The following USP8 variants were observed in gnomAD, a reference collection of about 807,000 sequenced individuals.
USP8 encodes ubiquitin specific peptidase 8, also known as ubiquitin carboxyl-terminal hydrolase 8.
Under a neutral mutation model 130.0 loss-of-function variants are expected in USP8, and 27 were observed. The ratio of observed to expected loss-of-function variants is 0.21; its 90% CI spans 0.15 to 0.29. USP8 has a LOEUF of 0.29. USP8 is among the 10% of genes least tolerant of loss of function. The probability of loss-of-function intolerance (pLI) is 1.00; values close to 1 mark genes in which losing one functional copy is unlikely to be tolerated. For missense variants in USP8, 1,029 were observed against 1,312.2 expected, an observed-to-expected ratio of 0.78 and a Z score of 3.33; for synonymous variants, 392 against 444.1, an observed-to-expected ratio of 0.88 and a Z score of 1.48.
chr15:50,477,038 T>C lies in USP8; in HGVS notation c.994+45T>C, dbSNP rs370306424. ...TGTTTAAAATTGCTTTGGTAAAATA[T>C]GGTTTAAAATTGTTTTCCCGGTAAC... On this transcript the variant is annotated intron_variant, in intron 9 of 19. Transcript: ENST00000307179. The C allele has an allele frequency of 8.5e-4, 1,344 of 1,586,426 alleles. 1 individual carries two copies. Among genetic ancestry groups the C allele is most frequent in the Non-Finnish European group, 1.1e-3 (1,251 of 1,173,338 alleles).
Position 50,514,403 on chromosome 15 carries a change from A to C in USP8, c.*15315A>C, listed in dbSNP as rs886614546. On this transcript the variant is annotated 3_prime_UTR_variant, in exon 20 of 20. Coordinates refer to ENST00000307179, the MANE Select transcript of USP8 (RefSeq NM_005154.5). ...TTCTGTATATATGTTTCACTTCAATAAAGTTTATTTTTGGTCAAGGGCAGT... is the reference window on the plus strand; with the variant it reads ...TTCTGTATATATGTTTCACTTCAATCAAGTTTATTTTTGGTCAAGGGCAGT... 1.3e-5 allele frequency: 2 copies of C among 152,148 alleles called. No homozygotes were observed. Among genetic ancestry groups the C allele is most frequent in the African/African-American group, 4.8e-5 (2 of 41,416 alleles). 9.4% of individuals were successfully genotyped at this position (152,148 alleles called of 1,614,324 possible).
At chr15:50,480,956 C>A (rs1262389840) in intron 10 of USP8, among the ~76,000 whole-genome samples, 1 of 151,540 alleles carries the variant, frequency 6.6e-6, no homozygotes, top group Admixed American at 6.6e-5. Flanking sequence ...TAACAGCGTG[C>A]AGAAGGATAT....
chr15:50,459,491 G>A (rs528148442), intron 5 of USP8, among the ~76,000 whole-genome samples: 14 of 152,202 alleles, frequency 9.2e-5, no homozygotes, highest in African/African-American at 3.4e-4. Flanking sequence ...GGCTAAAGTA[G>A]GAGAATTGCT....
Position 50,498,977 on chromosome 15 carries a change from G to T in USP8, c.3246G>T (p.Lys1082Asn), listed in dbSNP as rs2052518452. ...ATGCAGCAAGACAACGGTGGTTTAA[G>T]TTTGATGATCATGAAGTTTCTGATA... ...CKNAARQRWF[K>N]FDDHEVSDIS... The change falls in exon 20 of 20, where the codon AAG (lysine) becomes AAT (asparagine). Residue 1082 changes from lysine to asparagine, a missense_variant. By Grantham distance (94) the Lys-to-Asn change is moderately conservative. Coordinates refer to ENST00000307179, the MANE Select transcript of USP8 (RefSeq NM_005154.5). 1 of 1,613,860 alleles carries T rather than the reference G, an allele frequency of 6.2e-7. No individual in the cohort carries two copies. The highest frequency in any genetic ancestry group is 1.3e-5 in the African/African-American group (1 of 74,916).
At chr15:50,460,301 C>CTTTTTTTT (rs1168064692) in intron 5 of USP8, among the ~76,000 whole-genome samples, 1 of 77,360 alleles carries the variant, frequency 1.3e-5, no homozygotes, top group African/African-American at 5.3e-5. Context: ...CCTGGCTCTT[C>CTTTTTTTT]TTTTTTTTTT....
At position 50,437,180 on chromosome 15, in the gene USP8, T is replaced by C. The variant is rs193223739; in HGVS notation, c.-65-1829T>C. Among the ~76,000 whole-genome samples the C allele has an allele frequency of 6.9e-3, 1,053 of 152,310 alleles. 5 individuals carry two copies. Among genetic ancestry groups the C allele is most frequent in the Non-Finnish European group, 0.01 (710 of 68,030 alleles). ...CTTAAAACTTTAAGTACATTTCATA[T>C]ATTCTTTTATATGTTATAAAGCATG... On this transcript the variant is annotated intron_variant, in intron 1 of 19. Coordinates refer to ENST00000307179, the MANE Select transcript of USP8 (RefSeq NM_005154.5).
At chr15:50,451,379 C>T (rs1246678438) in intron 4 of USP8, among the ~76,000 whole-genome samples, 2 of 152,148 alleles carry the variant, frequency 1.3e-5, no homozygotes, top group Non-Finnish European at 2.9e-5. Context: ...CCACTGCACT[C>T]TAGCCTGGGC....
At chr15:50,436,077 A>T (rs1281232554) in intron 1 of USP8, among the ~76,000 whole-genome samples, 1 of 151,960 alleles carries the variant, frequency 6.6e-6, no homozygotes, top group African/African-American at 2.4e-5. Flanking sequence ...GCCTAACTTT[A>T]TACTCTTCTT....
chr15:50,464,658 A>C (rs1288812779), intron 6 of USP8, among the ~76,000 whole-genome samples: 2 of 152,220 alleles, frequency 1.3e-5, no homozygotes, highest in Admixed American at 1.3e-4. Context: ...GGAGTTCCAG[A>C]CCAGCCTAGT....
chr15:50,444,104 T>G (rs1043024959), intron 3 of USP8, among the ~76,000 whole-genome samples: 3 of 149,052 alleles, frequency 2.0e-5, no homozygotes, highest in Non-Finnish European at 3.0e-5. Context: ...TAGGTTTTTT[T>G]TTTTTTTTTT....
intron 4 of USP8, 124 bp downstream of exon 4, chr15:50,449,609 G>A (rs943283365): frequency 5.5e-5 from 33 of 597,978 alleles, no homozygotes; most frequent in East Asian, 4.8e-4. Context: ...ACAGAGTCTC[G>A]CGCTGTCTGT....
chr15:50,435,200 T>C (rs1184280248), intron 1 of USP8, among the ~76,000 whole-genome samples: 2 of 152,210 alleles, frequency 1.3e-5, no homozygotes, highest in East Asian at 1.9e-4. Flanking sequence ...TGTAACATGT[T>C]AAATTCACAT....
At chr15:50,485,311 G>A (rs374842973) in intron 12 of USP8, among the ~76,000 whole-genome samples, 5 of 151,638 alleles carry the variant, frequency 3.3e-5, no homozygotes, top group African/African-American at 9.7e-5. Flanking sequence ...TTAGCCGGGC[G>A]TGGTGGCAGG....
At chr15:50,483,710 C>A (rs956392803) in intron 11 of USP8, among the ~76,000 whole-genome samples, 1 of 151,960 alleles carries the variant, frequency 6.6e-6, no homozygotes, top group African/African-American at 2.4e-5. Flanking sequence ...AGGAGAATCA[C>A]TTGAACCCAT....
At chr15:50,451,084 T>TC (rs948938760) in intron 4 of USP8, among the ~76,000 whole-genome samples, 7 of 152,128 alleles carry the variant, frequency 4.6e-5, no homozygotes, top group Admixed American at 1.3e-4. Context: ...TTTTTTTTTT[T>TC]CACTAAGAAT....
In USP8 at chr15:50,513,683, C is replaced by G. The variant is rs1339729733; in HGVS notation, c.*14595C>G. 6.6e-6 allele frequency: 1 copy of G among 151,902 alleles called. No individual in the cohort carries two copies. The highest frequency in any genetic ancestry group is 2.4e-5 in the African/African-American group (1 of 41,394). The allele number at this position is 151,902 out of a possible 1,614,324, so 9.4% of individuals were successfully genotyped here. A position where few individuals can be genotyped will look rare whatever the true frequency, so the allele number is the denominator to read the frequency against. ...TAGGCATTTCACAAAAGAAAGTATA[C>G]AAATTTAAGTAGTTATTTAAACCAC... On this transcript the variant is annotated 3_prime_UTR_variant, in exon 20 of 20. Transcript: ENST00000307179.
intron 7 of USP8, 142 bp from the exon 8 acceptor site, chr15:50,471,491 A>G (rs2051374240): frequency 6.4e-6 from 5 of 786,670 alleles, no homozygotes; most frequent in African/African-American, 1.8e-5. Flanking sequence ...ATATCTTAAT[A>G]TATAACCTCA....
chr15:50,489,922 TA>T, intron 13 of USP8, 41 bp downstream of exon 13: 2 of 1,462,426 alleles, frequency 1.4e-6, no homozygotes, highest in South Asian at 1.3e-5. Context: ...ACTGTGTTCC[TA>T]AAAAATGTTT....
intron 1 of USP8, chr15:50,424,767 C>T (rs1009553342): frequency 1.5e-5 from 5 of 332,872 alleles, no homozygotes; most frequent in Non-Finnish European, 2.7e-5. Context: ...TGGCTTTGAC[C>T]AATCTTCCGT....
Sources: gnomAD v4.1 joint callset for allele counts (sites outside exome capture counted in the v4.1 genomes callset) on GRCh38, gnomAD v4.1.1 for gene constraint, MANE v1.5 for transcripts, NCBI Gene and HGNC (gene_info 2026-07-23, HGNC 2026-07-21) for gene names.